Variants in MACROD2 observed in about 807,000 individuals in gnomAD.
The protein encoded by MACROD2 is ADP-ribose glycohydrolase MACROD2.
MACROD2 carries 36 observed loss-of-function variants against 70.4 expected under a neutral mutation model. That is an observed-to-expected ratio of 0.51 (90% confidence interval 0.39 to 0.68). The LOEUF is 0.68. MACROD2 is among the 30% of genes least tolerant of loss of function. MACROD2 has a pLI of 0.00. For synonymous variants in MACROD2, 172 were observed against 178.8 expected, an observed-to-expected ratio of 0.96 and a Z score of 0.30; for missense variants, 496 against 538.4, an observed-to-expected ratio of 0.92 and a Z score of 0.78.
chr20:14,217,041 A>G (rs1379360617), intron 3 of MACROD2, among the ~76,000 whole-genome samples: 1 of 152,112 alleles, frequency 6.6e-6, no homozygotes, highest in Non-Finnish European at 1.5e-5. Flanking sequence ...TTCCAGTACT[A>G]TGTTGAAGAG....
In MACROD2 at chr20:15,106,564, G is replaced by A. The variant is rs137866310; in HGVS notation, c.419-123376G>A. ...ACCCTCAGAAGAAATTATGAATTGT[G>A]GAACACAGCAAACTACCTCCTCTGT... On this transcript the variant is annotated intron_variant, in intron 5 of 17. Transcript: ENST00000684519. Among the ~76,000 whole-genome samples, 414 of 152,188 alleles carry A rather than the reference G, an allele frequency of 2.7e-3. 2 individuals are homozygous for A. Among genetic ancestry groups the A allele is most frequent in the African/African-American group, 9.4e-3 (392 of 41,548 alleles).
intron 5 of MACROD2, among the ~76,000 whole-genome samples, chr20:15,214,529 A>G (rs535512001): frequency 6.6e-6 from 1 of 152,334 alleles, no homozygotes; most frequent in East Asian, 1.9e-4. Context: ...CTCTAAAAAA[A>G]CAAAACAAAA....
chr20:15,594,099 G>C (rs1173215809), intron 8 of MACROD2, among the ~76,000 whole-genome samples: 1 of 152,226 alleles, frequency 6.6e-6, no homozygotes, highest in Non-Finnish European at 1.5e-5. Flanking sequence ...GAATAATCAA[G>C]AGTGTGGGCA....
At chr20:14,506,051 G>C (rs921958283) in intron 4 of MACROD2, among the ~76,000 whole-genome samples, 1 of 152,164 alleles carries the variant, frequency 6.6e-6, no homozygotes, top group Non-Finnish European at 1.5e-5. Context: ...GAGTGTTGGG[G>C]GGTGGGCAGG....
chr20:14,206,228 C>T lies in MACROD2; in HGVS notation c.271+120500C>T, dbSNP rs147279888. 4.1e-3 allele frequency among the ~76,000 whole-genome samples: 630 copies of T among 152,260 alleles called. 2 individuals are homozygous for T. Among genetic ancestry groups the T allele is most frequent in the South Asian group, 9.7e-3 (47 of 4,824 alleles). On this transcript the variant is annotated intron_variant, in intron 3 of 17. Transcript: ENST00000684519. ...ATCCAGTCTAAAATGTCAGTCATAC[C>T]GCAGTTTAGAAATTCTGATCTAGAT...
intron 15 of MACROD2, among the ~76,000 whole-genome samples, chr20:16,030,861 T>C (rs2067142582): frequency 6.6e-6 from 1 of 152,004 alleles, no homozygotes; most frequent in Admixed American, 6.6e-5. Context: ...AGAAAATGTC[T>C]TAAAACAAAG....
At chr20:15,160,034 G>A (rs1465881537) in intron 5 of MACROD2, among the ~76,000 whole-genome samples, 1 of 151,982 alleles carries the variant, frequency 6.6e-6, no homozygotes, top group Non-Finnish European at 1.5e-5. Context: ...GACAGGTGCA[G>A]GTAAGAGTTA....
intron 3 of MACROD2, among the ~76,000 whole-genome samples, chr20:14,183,331 C>T (rs1243086540): frequency 6.6e-6 from 1 of 151,666 alleles, no homozygotes; most frequent in Admixed American, 6.6e-5. Flanking sequence ...GCCTTTAGCT[C>T]CATCTATGTC....
chr20:14,500,292 G>A (rs1759217132), intron 4 of MACROD2, among the ~76,000 whole-genome samples: 2 of 152,186 alleles, frequency 1.3e-5, no homozygotes, highest in South Asian at 4.2e-4. Context: ...GATGTGGGTA[G>A]CAAACCTCCA....
Position 14,097,655 on chromosome 20 carries a change from T to C in MACROD2, c.271+11927T>C, listed in dbSNP as rs540891598. ...ACCTTTCTGAACCTCAGTTTTCTCA[T>C]CAGCAAAATGGAGATAATACAGGTT... On this transcript the variant is annotated intron_variant, in intron 3 of 17. Coordinates refer to ENST00000684519, the MANE Select transcript of MACROD2 (RefSeq NM_001351661.2). Among the ~76,000 whole-genome samples the C allele has an allele frequency of 2.6e-5, 4 of 152,290 alleles. No individual in the cohort carries two copies. In the East Asian group the frequency reaches 7.7e-4, roughly 29 times the overall value.
intron 3 of MACROD2, among the ~76,000 whole-genome samples, chr20:14,142,608 A>G (rs1406176168): frequency 3.9e-5 from 6 of 152,216 alleles, no homozygotes; most frequent in Admixed American, 2.0e-4. Context: ...AGAAATTAGT[A>G]TGTCACCAAA....
At chr20:14,441,268 G>A (rs2084119277) in intron 3 of MACROD2, among the ~76,000 whole-genome samples, 1 of 152,146 alleles carries the variant, frequency 6.6e-6, no homozygotes, top group Admixed American at 6.5e-5. Flanking sequence ...CCTGGAGGAT[G>A]AGAGGCCATG....
At chr20:14,264,800 C>T (rs1163727167) in intron 3 of MACROD2, among the ~76,000 whole-genome samples, 2 of 152,000 alleles carry the variant, frequency 1.3e-5, no homozygotes, top group South Asian at 2.1e-4. Context: ...GTAATTACAA[C>T]AAAATGAGAA....
At chr20:14,729,263 A>G (rs1345235762) in intron 5 of MACROD2, among the ~76,000 whole-genome samples, 2 of 152,178 alleles carry the variant, frequency 1.3e-5, no homozygotes, top group Non-Finnish European at 2.9e-5. Flanking sequence ...GAATTTCCAC[A>G]TAAGCATGCT....
At chr20:15,821,687 T>C (rs2063939965) in intron 8 of MACROD2, among the ~76,000 whole-genome samples, 1 of 152,238 alleles carries the variant, frequency 6.6e-6, no homozygotes, top group Non-Finnish European at 1.5e-5. Context: ...CATTATTCTC[T>C]GAACAATACA....
Position 15,512,608 on chromosome 20 carries a change from C to T in MACROD2, c.645+12761C>T, listed in dbSNP as rs560653276. 2.6e-5 allele frequency among the ~76,000 whole-genome samples: 4 copies of T among 152,248 alleles called. No individual in the cohort carries two copies. The East Asian group carries it at 7.7e-4, about 29-fold the overall frequency. ...CTGAAGCAAATTAATTCTCCCTGGA[C>T]ATGAAGGTGCCATTAAGCATAGCGG... On this transcript the variant is annotated intron_variant, in intron 8 of 17. Coordinates refer to ENST00000684519, the MANE Select transcript of MACROD2 (RefSeq NM_001351661.2).
chr20:15,770,704 C>G (rs773951447), intron 8 of MACROD2, among the ~76,000 whole-genome samples: 18 of 151,994 alleles, frequency 1.2e-4, no homozygotes, highest in Admixed American at 2.0e-4. Flanking sequence ...CTGGAGCAGA[C>G]CTGCCTTAGG....
chr20:15,921,924 T>G (rs943826927), intron 10 of MACROD2, among the ~76,000 whole-genome samples: 3 of 152,244 alleles, frequency 2.0e-5, no homozygotes, highest in African/African-American at 7.2e-5. Context: ...AGTGTGGATG[T>G]GCCTCTGAGG....
intron 4 of MACROD2, among the ~76,000 whole-genome samples, chr20:14,609,646 A>G (rs145761452): frequency 3.2e-4 from 49 of 152,270 alleles, no homozygotes; most frequent in African/African-American, 1.1e-3. Flanking sequence ...TCTCCCTGCA[A>G]AAATACTTAT....
Sources: allele counts gnomAD v4.1 joint callset (sites outside exome capture counted in the v4.1 genomes callset), GRCh38; gene constraint gnomAD v4.1.1; transcripts MANE v1.5; gene names NCBI Gene and HGNC (gene_info 2026-07-23, HGNC 2026-07-21).